Variants in TTC27 observed in about 807,000 individuals in gnomAD.
TTC27 encodes tetratricopeptide repeat domain 27, also known as tetratricopeptide repeat protein 27.
A neutral mutation model predicts 115.9 loss-of-function variants in TTC27; 79 were observed. The observed-to-expected ratio is 0.68, with a 90% CI of 0.57 to 0.82. The LOEUF (loss-of-function observed/expected upper bound fraction) is 0.82, where lower values mean the gene tolerates loss of function less well. TTC27 is among the 40% of genes least tolerant of loss of function. The pLI is 0.00. For synonymous variants in TTC27, 401 were observed against 356.0 expected (o/e 1.13, Z -1.42); for missense variants, 1,054 against 993.1 (o/e 1.06, Z -0.82).
Position 32,787,020 on chromosome 2 carries a change from G to A in TTC27, c.1869G>A (p.Lys623=), listed in dbSNP as rs1670370712. The change falls in exon 16 of 20, where the codon AAG becomes AAA. Residue 623 remains lysine (K), a synonymous_variant. Coordinates refer to ENST00000317907, the MANE Select transcript of TTC27 (RefSeq NM_017735.5). ...TTAGAACTTTACAAGAAGCTCTCAA[G>A]TGTAACTATGAACACTGGCAGATTT... ...KAFRTLQEAL[K]CNYEHWQIWE... is the part of the protein sequence containing the mutation. The A allele has an allele frequency of 6.2e-7, 1 of 1,613,842 alleles. No homozygotes were observed. Among genetic ancestry groups the A allele is most frequent in the South Asian group, 1.1e-5 (1 of 91,020 alleles).
intron 19 of TTC27, among the ~76,000 whole-genome samples, chr2:32,819,074 G>A (rs913370405): frequency 6.6e-6 from 1 of 152,132 alleles, no homozygotes; most frequent in African/African-American, 2.4e-5. Context: ...CTTTTGATCA[G>A]TGATCTAATC....
chr2:32,702,898 A>G lies in TTC27; in HGVS notation c.1211A>G (p.Glu404Gly). 1 of 1,614,048 alleles carries G rather than the reference A, an allele frequency of 6.2e-7. No individual in the cohort carries two copies. The highest frequency in any genetic ancestry group is 8.5e-7 in the Non-Finnish European group (1 of 1,179,940). ...KLEKGSTRRV[E>G]RAMRQTQALA... The stretch of plus-strand genomic sequence containing the variant: ...GAGAAAGGAAGTACTCGCCGAGTGG[A>G]ACGGGCAATGAGGCAGACACAGGTA... Residue 404 changes from glutamate (E) to glycine (G), a missense_variant, in exon 10 of 20, where the codon GAA (glutamate) becomes GGA (glycine). Glu to Gly is a moderately conservative substitution (Grantham distance 98). Coordinates refer to ENST00000317907, the MANE Select transcript of TTC27 (RefSeq NM_017735.5).
At chr2:32,642,418 A>C (rs899854411) in intron 4 of TTC27, among the ~76,000 whole-genome samples, 14 of 151,140 alleles carry the variant, frequency 9.3e-5, no homozygotes, top group African/African-American at 3.4e-4. Flanking sequence ...CGTTTGGCTA[A>C]TTTTTTGTAT....
chr2:32,760,958 C>T (rs1033864472), intron 13 of TTC27, among the ~76,000 whole-genome samples: 2 of 152,218 alleles, frequency 1.3e-5, no homozygotes, highest in African/African-American at 4.8e-5. Flanking sequence ...TTTGTCTGCA[C>T]TTACTTCCTT....
At chr2:32,687,055 G>A (rs1271875449) in intron 9 of TTC27, among the ~76,000 whole-genome samples, 1 of 151,988 alleles carries the variant, frequency 6.6e-6, no homozygotes, top group Non-Finnish European at 1.5e-5. Flanking sequence ...GTGTTGGCCA[G>A]GCTAGTTTCG....
At chr2:32,819,922 T>C (rs1356040556) in intron 19 of TTC27, among the ~76,000 whole-genome samples, 1 of 152,240 alleles carries the variant, frequency 6.6e-6, no homozygotes, top group Admixed American at 6.5e-5. Flanking sequence ...GCAAGCACTG[T>C]AATTCTTAGT....
At chr2:32,666,131 A>G (rs547459926) in intron 6 of TTC27, among the ~76,000 whole-genome samples, 13 of 152,180 alleles carry the variant, frequency 8.5e-5, no homozygotes, top group Admixed American at 2.0e-4. Flanking sequence ...GCTATTCTGC[A>G]GTAAGTTATT....
chr2:32,760,827 G>T (rs977889222), intron 13 of TTC27, among the ~76,000 whole-genome samples: 25 of 152,020 alleles, frequency 1.6e-4, no homozygotes. Flanking sequence ...TCTCTGCAGC[G>T]CACAGTCTGT....
chr2:32,814,578 A>G (rs1671435075), intron 18 of TTC27, among the ~76,000 whole-genome samples: 1 of 152,206 alleles, frequency 6.6e-6, no homozygotes, highest in Non-Finnish European at 1.5e-5. Context: ...AGGAAATACA[A>G]TCAAGCATCC....
chr2:32,695,716 C>G (rs1197075158), intron 9 of TTC27, among the ~76,000 whole-genome samples: 7 of 59,120 alleles, frequency 1.2e-4, no homozygotes, highest in African/African-American at 4.6e-4. Context: ...AAGGCTCTAT[C>G]TCAAAAAAAA....
At chr2:32,671,258 A>C (rs1462898348) in intron 7 of TTC27, among the ~76,000 whole-genome samples, 3 of 150,024 alleles carry the variant, frequency 2.0e-5, no homozygotes, top group Non-Finnish European at 4.4e-5. Flanking sequence ...TTTTGATTTA[A>C]TTTTTGTGTA....
At chr2:32,758,553 C>T (rs368914848) in intron 13 of TTC27, 34 bp downstream of exon 13, 22 of 1,585,548 alleles carry the variant, frequency 1.4e-5, no homozygotes, top group South Asian at 5.6e-5. Flanking sequence ...CTGCTCTCAG[C>T]GCTTGTGCTG....
At chr2:32,690,238 G>A (rs1333154259) in intron 9 of TTC27, among the ~76,000 whole-genome samples, 1 of 152,156 alleles carries the variant, frequency 6.6e-6, no homozygotes, top group African/African-American at 2.4e-5. Context: ...TTGATCACTG[G>A]TGTCTTTGCT....
rs1394601318 is a variant in TTC27 at position 32,678,733 on chromosome 2, A to G, written c.1053-123A>G. ...TGAGCCACTGTGCCCGGCCCCCATA[A>G]TATTTAAATATCTGCTTTCAAATAT... is the stretch of plus-strand genomic sequence containing the variant. On this transcript the variant is annotated intron_variant, in intron 8 of 19. Coordinates refer to ENST00000317907, the MANE Select transcript of TTC27 (RefSeq NM_017735.5). The G allele has an allele frequency of 2.9e-5, 20 of 688,792 alleles. No homozygotes were observed. The Admixed American group carries it at 5.9e-4, about 20-fold the overall frequency. The allele number at this position is 688,792 out of a possible 1,614,324, so 42.7% of individuals were successfully genotyped here. A position where few individuals can be genotyped will look rare whatever the true frequency, so the allele number is the denominator to read the frequency against.
At chr2:32,726,897 T>A (rs564829761) in intron 10 of TTC27, among the ~76,000 whole-genome samples, 1 of 152,310 alleles carries the variant, frequency 6.6e-6, no homozygotes, top group South Asian at 2.1e-4. Context: ...AGTCACATCT[T>A]ACATGGATGG....
chr2:32,695,871 T>C (rs1666968882), intron 9 of TTC27, among the ~76,000 whole-genome samples: 1 of 150,808 alleles, frequency 6.6e-6, no homozygotes, highest in Non-Finnish European at 1.5e-5. Flanking sequence ...GCCGTCGCAC[T>C]CTAGCCTGGG....
At chr2:32,703,672 T>A (rs191052174) in intron 10 of TTC27, among the ~76,000 whole-genome samples, 1 of 152,358 alleles carries the variant, frequency 6.6e-6, no homozygotes, top group Admixed American at 6.5e-5. Flanking sequence ...CATTTAATGC[T>A]AATGTTTATT....
intron 5 of TTC27, among the ~76,000 whole-genome samples, chr2:32,651,128 G>C (rs1369678093): frequency 6.6e-6 from 1 of 152,166 alleles, no homozygotes; most frequent in South Asian, 2.1e-4. Context: ...TTTTAGCTGT[G>C]TCTGGTTCCA....
At chr2:32,758,554 G>T (rs199522059) in intron 13 of TTC27, 35 bp downstream of exon 13, 27 of 1,582,116 alleles carry the variant, frequency 1.7e-5, no homozygotes, top group Non-Finnish European at 2.3e-5. Flanking sequence ...TGCTCTCAGC[G>T]CTTGTGCTGT....
Sources: gnomAD v4.1 joint callset for allele counts (sites outside exome capture counted in the v4.1 genomes callset) on GRCh38, gnomAD v4.1.1 for gene constraint, MANE v1.5 for transcripts, NCBI Gene and HGNC (gene_info 2026-07-23, HGNC 2026-07-21) for gene names.